The following ZNF793 variants were observed in gnomAD, a reference collection of about 807,000 sequenced individuals.
ZNF793 encodes the protein zinc finger protein 793.
ZNF793 carries 5 observed loss-of-function variants against 12.4 expected under a neutral mutation model. The observed-to-expected ratio is 0.40, with a 90% CI of 0.21 to 0.84. The LOEUF is 0.84. Ranked by LOEUF, ZNF793 falls within the 40% of genes least tolerant of loss-of-function variation. ZNF793 has a pLI of 0.35. For missense variants in ZNF793, 456 were observed against 495.0 expected, an observed-to-expected ratio of 0.92 and a Z score of 0.75; for synonymous variants, 162 against 172.4, an observed-to-expected ratio of 0.94 and a Z score of 0.47.
chr19:37,535,965 A>G (rs1200154366), intron 7 of ZNF793: 3 of 152,840 alleles, frequency 2.0e-5, no homozygotes, highest in African/African-American at 7.2e-5. Context: ...CATGAAAATA[A>G]CAATATTCAC....
At chr19:37,514,843 T>G (rs2042319193) in intron 2 of ZNF793, among the ~76,000 whole-genome samples, 1 of 152,186 alleles carries the variant, frequency 6.6e-6, no homozygotes, top group Non-Finnish European at 1.5e-5. Flanking sequence ...TTAAAGAATT[T>G]ACTAATGAAT....
intron 2 of ZNF793, among the ~76,000 whole-genome samples, chr19:37,509,201 T>A (rs1382203013): frequency 3.9e-5 from 6 of 152,206 alleles, no homozygotes; most frequent in Non-Finnish European, 5.9e-5. Context: ...ATGTACATTG[T>A]ACCAATCTGA....
rs2042532374 is a variant in ZNF793 at position 37,538,791 on chromosome 19, A to G, written c.*912A>G. The G allele has an allele frequency of 6.6e-6, 1 of 152,288 alleles. No homozygotes were observed. Among genetic ancestry groups the G allele is most frequent in the African/African-American group, 2.4e-5 (1 of 41,476 alleles). 9.4% of individuals were successfully genotyped at this position (152,288 alleles called of 1,614,324 possible). ...AAAGGCATACTCTGGTATATTCCAC[A>G]GTGAGCCATACAATCAGCATTATTT... On this transcript the variant is annotated 3_prime_UTR_variant, in exon 8 of 8. Transcript: ENST00000627814.
At chr19:37,509,104 A>G (rs2042273614) in intron 2 of ZNF793, among the ~76,000 whole-genome samples, 1 of 152,218 alleles carries the variant, frequency 6.6e-6, no homozygotes, top group Non-Finnish European at 1.5e-5. Context: ...GAAAAAATAG[A>G]TTTAGGGGAT....
intron 5 of ZNF793, among the ~76,000 whole-genome samples, chr19:37,524,737 G>A (rs2042400471): frequency 1.3e-5 from 2 of 152,182 alleles, no homozygotes; most frequent in South Asian, 4.1e-4. Context: ...AATATGGAAC[G>A]GCAGGCTCCG....
Position 37,542,255 on chromosome 19 carries a change from T to A in ZNF793, c.*4376T>A. ...TAAAAATACAAAAATTAGCTGGGCATGGTGGCAGGCACCTGTGATCCCAGC... is the reference window on the plus strand; with the variant it reads ...TAAAAATACAAAAATTAGCTGGGCAAGGTGGCAGGCACCTGTGATCCCAGC... On this transcript the variant is annotated 3_prime_UTR_variant, in exon 8 of 8. Coordinates refer to ENST00000627814, the MANE Select transcript of ZNF793 (RefSeq NM_001013659.3). The A allele has an allele frequency of 5.1e-6, 1 of 195,328 alleles. No individual in the cohort carries two copies. The highest frequency in any genetic ancestry group is 1.1e-5 in the Non-Finnish European group (1 of 92,174). 12.1% of individuals were successfully genotyped at this position (195,328 alleles called of 1,614,324 possible).
chr19:37,525,645 TCTC>T (rs1289429941), intron 5 of ZNF793, among the ~76,000 whole-genome samples: 1 of 150,714 alleles, frequency 6.6e-6, no homozygotes, highest in Non-Finnish European at 1.5e-5. Context: ...ATGGTCTCGA[TCTC>T]CTGACCTCGT....
intron 2 of ZNF793, among the ~76,000 whole-genome samples, chr19:37,515,965 A>G (rs1379331942): frequency 6.6e-6 from 1 of 152,234 alleles, no homozygotes; most frequent in Non-Finnish European, 1.5e-5. Context: ...TATCTAGGAC[A>G]TTTATGAAAA....
chr19:37,521,991 C>T (rs146153844), intron 3 of ZNF793, among the ~76,000 whole-genome samples: 56 of 151,998 alleles, frequency 3.7e-4, no homozygotes, highest in African/African-American at 1.3e-3. Flanking sequence ...CCCATAAGTA[C>T]TTCAGGGTAT....
intron 2 of ZNF793, among the ~76,000 whole-genome samples, chr19:37,517,793 T>C (rs939600529): frequency 1.5e-4 from 23 of 152,142 alleles, no homozygotes; most frequent in Non-Finnish European, 2.9e-4. Flanking sequence ...GTTTCTATGA[T>C]GTGTCATAGT....
intron 5 of ZNF793, among the ~76,000 whole-genome samples, chr19:37,528,578 A>G (rs1250199291): frequency 2.0e-5 from 3 of 152,198 alleles, no homozygotes; most frequent in African/African-American, 7.2e-5. Flanking sequence ...GGCAAGGTCA[A>G]ATTCTTTACC....
chr19:37,521,885 T>C (rs2042379172), intron 3 of ZNF793, among the ~76,000 whole-genome samples: 1 of 152,140 alleles, frequency 6.6e-6, no homozygotes, highest in Non-Finnish European at 1.5e-5. Context: ...TATACAAATA[T>C]ATATGTATAT....
chr19:37,525,198 G>A (rs905911971), intron 5 of ZNF793, among the ~76,000 whole-genome samples: 5 of 151,668 alleles, frequency 3.3e-5, no homozygotes, highest in African/African-American at 1.2e-4. Flanking sequence ...GAGTGCAGTG[G>A]TGCAATCTTG....
At chr19:37,512,882 G>C (rs965341683) in intron 2 of ZNF793, among the ~76,000 whole-genome samples, 1 of 151,916 alleles carries the variant, frequency 6.6e-6, no homozygotes, top group Admixed American at 6.6e-5. Context: ...GTTGTATTTA[G>C]TTGTCATATC....
chr19:37,536,824 A>C (rs2042508499), intron 7 of ZNF793, 73 bp from the exon 8 acceptor site: 3 of 1,474,812 alleles, frequency 2.0e-6, no homozygotes, highest in Non-Finnish European at 2.7e-6. Flanking sequence ...TGTGCTGTGC[A>C]CTCTTTAAAT....
At chr19:37,511,736 A>G (rs554620355) in intron 2 of ZNF793, among the ~76,000 whole-genome samples, 12 of 152,308 alleles carry the variant, frequency 7.9e-5, no homozygotes, top group South Asian at 4.1e-4. Flanking sequence ...CCTCTTTTCT[A>G]TTATTCTCCC....
intron 2 of ZNF793, among the ~76,000 whole-genome samples, chr19:37,513,586 C>T (rs2042309313): frequency 6.6e-6 from 1 of 152,164 alleles, no homozygotes; most frequent in Non-Finnish European, 1.5e-5. Flanking sequence ...TCCACACAGA[C>T]AGGAAACATC....
At chr19:37,516,868 A>G (rs560340354) in intron 2 of ZNF793, among the ~76,000 whole-genome samples, 4 of 151,376 alleles carry the variant, frequency 2.6e-5, no homozygotes, top group African/African-American at 9.7e-5. Flanking sequence ...CAGGTCTTGA[A>G]CTCCTGGCCT....
rs2147118674 is a variant in ZNF793 at position 37,538,982 on chromosome 19, TTAAAA to T, written c.*1104_*1108del. The T allele has an allele frequency of 6.6e-6, 1 of 152,360 alleles. No homozygotes were observed. Among genetic ancestry groups the T allele is most frequent in the Non-Finnish European group, 1.5e-5 (1 of 68,036 alleles). The allele number at this position is 152,360 out of a possible 1,614,324, so 9.4% of individuals were successfully genotyped here. The stretch of plus-strand genomic sequence containing the variant: ...ATAACAACAACATGGCCCACTATTG[TTAAAA>T]GAACTTTATTATACCAGCTACATTT... On this transcript the variant is annotated 3_prime_UTR_variant, in exon 8 of 8. Transcript: ENST00000627814.
Sources: gnomAD v4.1 joint callset for allele counts (sites outside exome capture counted in the v4.1 genomes callset) on GRCh38, gnomAD v4.1.1 for gene constraint, MANE v1.5 for transcripts, NCBI Gene and HGNC (gene_info 2026-07-23, HGNC 2026-07-21) for gene names.